Variants in FAT2 observed in about 807,000 individuals in gnomAD.
FAT2 encodes the protein protocadherin Fat 2.
A neutral mutation model predicts 295.3 loss-of-function variants in FAT2; 150 were observed. The ratio of observed to expected loss-of-function variants is 0.51; its 90% CI spans 0.44 to 0.58. The LOEUF is 0.58. Ranked by LOEUF, FAT2 falls within the 20% of genes least tolerant of loss-of-function variation. The pLI is 0.00. For missense variants in FAT2, 4,868 were observed against 5,442.7 expected, an observed-to-expected ratio of 0.89 and a Z score of 3.32; for synonymous variants, 2,026 against 2,150.3, an observed-to-expected ratio of 0.94 and a Z score of 1.60.
chr5:151,548,521 C>A lies in FAT2; in HGVS notation c.4789+774G>T, dbSNP rs561129017. On this transcript the variant is annotated intron_variant, in intron 9 of 23. Coordinates refer to ENST00000261800, the MANE Select transcript of FAT2 (RefSeq NM_001447.3). ...TTTGAGATGGAGTCTTGCTGTGTCG[C>A]CCAGGCTGGAGTGCAATGGTGCAAT... Among the ~76,000 whole-genome samples, 6 of 152,190 alleles carry A rather than the reference C, an allele frequency of 3.9e-5. No homozygotes were observed. The East Asian group carries it at 1.2e-3, about 29-fold the overall frequency.
chr5:151,547,106 A>C (rs1037981421), intron 9 of FAT2, among the ~76,000 whole-genome samples: 1 of 152,224 alleles, frequency 6.6e-6, no homozygotes, highest in Non-Finnish European at 1.5e-5. Flanking sequence ...ATATTTTTAA[A>C]GGTAACATTA....
chr5:151,505,698 C>G lies in FAT2; in HGVS notation c.12917G>C (p.Gly4306Ala), dbSNP rs1432976811. The change falls in exon 24 of 24, where the codon GGG (glycine) becomes GCG (alanine). Residue 4306 changes from glycine to alanine, a missense_variant. Gly to Ala is a moderately conservative substitution (Grantham distance 60). Around this residue, in one of 5 missense-constraint regions of FAT2, gnomAD observed 492 missense variants for 482.6 expected, o/e 1.02. Transcript: ENST00000261800. ...KGVGMRLSRA[G>A]PSYAVCEVEG... ...CACCTCACAGACAGCATAAGAGGGC[C>G]CAGCTCGGCTGAGGCGCATACCCAC... is the stretch of plus-strand genomic sequence containing the variant. 1 of 1,613,950 alleles carries G rather than the reference C, an allele frequency of 6.2e-7. No homozygotes were observed. The highest frequency in any genetic ancestry group is 1.3e-5 in the African/African-American group (1 of 74,924).
rs771070630 is a variant in FAT2 at position 151,549,341 on chromosome 5, A to C, written c.4743T>G (p.Asp1581Glu). Reference protein sequence around the residue: ...GTELLQVRAMDADRGVNAEVH... With the variant: ...GTELLQVRAMEADRGVNAEVH... Reference sequence around the variant, plus strand: ...CCTCAGCATTGACTCCCCGGTCAGCATCCATGGCTCGGACCTGCAGCAGCT... The same window carrying C: ...CCTCAGCATTGACTCCCCGGTCAGCCTCCATGGCTCGGACCTGCAGCAGCT... The change falls in exon 9 of 24, where the codon GAT becomes GAG. Residue 1581 changes from aspartate (D) to glutamate (E), a missense_variant. Coordinates refer to ENST00000261800, the MANE Select transcript of FAT2 (RefSeq NM_001447.3). The C allele has an allele frequency of 6.2e-7, 1 of 1,613,766 alleles. No individual in the cohort carries two copies. The highest frequency in any genetic ancestry group is 1.3e-5 in the African/African-American group (1 of 74,934).
chr5:151,568,713 G>A lies in FAT2; in HGVS notation c.219C>T (p.Ile73=), dbSNP rs1219424693. 2 of 1,614,216 alleles carry A rather than the reference G, an allele frequency of 1.2e-6. No individual in the cohort carries two copies. The highest frequency in any genetic ancestry group is 1.7e-6 in the Non-Finnish European group (2 of 1,180,026). ...AEPQWAVRYR[I]ISGDVANVFK... ...ATACATTGGCCACATCCCCAGAGAT[G>A]ATCCGGTACCTCACTGCCCACTGTG... The change falls in exon 2 of 24, where the codon ATC becomes ATT. Residue 73 remains isoleucine (I), a synonymous_variant. Coordinates refer to ENST00000261800, the MANE Select transcript of FAT2 (RefSeq NM_001447.3).
At position 151,545,636 on chromosome 5, in the gene FAT2, C is replaced by T. The variant is rs2127612729; in HGVS notation, c.5491G>A (p.Glu1831Lys). 2 of 1,614,150 alleles carry T rather than the reference C, an allele frequency of 1.2e-6. No homozygotes were observed. Among genetic ancestry groups the T allele is most frequent in the South Asian group, 1.1e-5 (1 of 91,074 alleles). Residue 1831 changes from glutamate to lysine, a missense_variant, in exon 10 of 24, where the codon GAG becomes AAG. Physicochemically the swap from Glu to Lys is moderately conservative, Grantham distance 56. Transcript: ENST00000261800. ...TLTIVSEMDY[E>K]SMPSFQFCVY... Reference sequence around the variant, plus strand: ...CAGAATTGGAAAGAGGGCATGCTCTCATAATCCATCTCTGATACAATGGTT... The same window carrying T: ...CAGAATTGGAAAGAGGGCATGCTCTTATAATCCATCTCTGATACAATGGTT...
chr5:151,559,356 A>G lies in FAT2; in HGVS notation c.3575-2954T>C, dbSNP rs79464149. Among the ~76,000 whole-genome samples, 239 of 152,258 alleles carry G rather than the reference A, an allele frequency of 1.6e-3. 5 individuals are homozygous for G. The East Asian group carries it at 0.024, about 15-fold the overall frequency. On this transcript the variant is annotated intron_variant, in intron 3 of 23. Transcript: ENST00000261800. The stretch of plus-strand genomic sequence containing the variant: ...AAAGAAGGAGGACAAGTGGAAGGAA[A>G]GACACACTCCTGTAGGACAGGAGGG...
intron 1 of FAT2, among the ~76,000 whole-genome samples, chr5:151,579,995 G>C (rs1758883344): frequency 6.6e-6 from 1 of 152,136 alleles, no homozygotes; most frequent in African/African-American, 2.4e-5. Context: ...GAAATCCCTG[G>C]ACTCCCTAGG....
intron 1 of FAT2, 142 bp from the exon 2 acceptor site, chr5:151,569,093 G>A (rs1440169499): frequency 1.3e-6 from 1 of 745,872 alleles, no homozygotes; most frequent in Non-Finnish European, 2.1e-6. Flanking sequence ...CAGCTTGGGA[G>A]TGGTGGTGCT....
chr5:151,512,193 A>G lies in FAT2; in HGVS notation c.11877T>C (p.Gly3959=), dbSNP rs1189499081. ...CCCCATGGGTCCATGAGCACTTCCC[A>G]CCATTGAGGCATGTGTTCTGGCTGC... ...DYCSQNTCLN[G]GKCSWTHGAG... is the part of the protein sequence containing the mutation. The change falls in exon 21 of 24, where the codon GGT becomes GGC. Residue 3959 remains glycine, a synonymous_variant. Transcript: ENST00000261800. The surrounding 1 kb of genome is among the most constrained non-coding windows in gnomAD (Gnocchi z 4.1). 1 of 1,613,846 alleles carries G rather than the reference A, an allele frequency of 6.2e-7. No individual in the cohort carries two copies. The highest frequency in any genetic ancestry group is 1.3e-5 in the African/African-American group (1 of 74,894).
chr5:151,531,795 C>T lies in FAT2; in HGVS notation c.9603G>A (p.Leu3201=), dbSNP rs1417338530. 5 of 1,612,998 alleles carry T rather than the reference C, an allele frequency of 3.1e-6. No individual in the cohort carries two copies. Among genetic ancestry groups the T allele is most frequent in the Non-Finnish European group, 4.2e-6 (5 of 1,180,010 alleles). ...DLGTPIPLST[L]GTVTVSVVGL... ...CCACCACCGAGACTGTGACGGTGCC[C>T]AGCGTGGACAGCGGTATTGGGGTGC... The change falls in exon 14 of 24, where the codon CTG becomes CTA. Residue 3201 remains leucine (L), a synonymous_variant. Coordinates refer to ENST00000261800, the MANE Select transcript of FAT2 (RefSeq NM_001447.3). The surrounding 1 kb of genome is among the most constrained non-coding windows in gnomAD (Gnocchi z 5.7).
chr5:151,562,144 A>G (rs1401243199), intron 3 of FAT2, among the ~76,000 whole-genome samples: 1 of 152,152 alleles, frequency 6.6e-6, no homozygotes, highest in African/African-American at 2.4e-5. Flanking sequence ...GTTACCAGGC[A>G]AATAGGCACT....
In FAT2 at chr5:151,583,997, CAAAAAAAAAAAAAA is replaced by C. The variant is rs35453556; in HGVS notation, c.-21+7154_-21+7167del. Among the ~76,000 whole-genome samples, 23 of 46,072 alleles carry C rather than the reference CAAAAAAAAAAAAAA, an allele frequency of 5.0e-4. No individual in the cohort carries two copies. In the South Asian group the frequency reaches 0.023, roughly 47 times the overall value. The allele number at this position is 46,072 out of a possible 152,430, so 30.2% of individuals were successfully genotyped here. A position where few individuals can be genotyped will look rare whatever the true frequency, so the allele number is the denominator to read the frequency against. On this transcript the variant is annotated intron_variant, in intron 1 of 23. Transcript: ENST00000261800. ...TGGGTGACGGAGTGAGGCTCTGTCT[CAAAAAAAAAAAAAA>C]AAAAAAAAAAAAGTTTTTTTTAAAC...
intron 1 of FAT2, among the ~76,000 whole-genome samples, chr5:151,586,158 C>G (rs1396428751): frequency 6.6e-6 from 1 of 152,240 alleles, no homozygotes; most frequent in African/African-American, 2.4e-5. Context: ...GGACAGGCAG[C>G]AGCTCTGACA....
At position 151,568,987 on chromosome 5, in the gene FAT2, G is replaced by C. The variant is rs982227368; in HGVS notation, c.-20-36C>G. The C allele has an allele frequency of 2.6e-6, 4 of 1,519,416 alleles. No homozygotes were observed. In the African/African-American group the frequency reaches 4.2e-5, roughly 16 times the overall value. 94.1% of individuals were successfully genotyped at this position (1,519,416 alleles called of 1,614,324 possible). A position where few individuals can be genotyped will look rare whatever the true frequency, so the allele number is the denominator to read the frequency against. Reference sequence around the variant, plus strand: ...AATAAAAGACAGGGTGCAAGTTAGGGGGAAAAAATGGTTTCTACTGCTGTG... The same window carrying C: ...AATAAAAGACAGGGTGCAAGTTAGGCGGAAAAAATGGTTTCTACTGCTGTG... On this transcript the variant is annotated intron_variant, in intron 1 of 23. Coordinates refer to ENST00000261800, the MANE Select transcript of FAT2 (RefSeq NM_001447.3).
At chr5:151,506,129 A>C (rs1760850608) in intron 23 of FAT2, 32 bp from the exon 24 acceptor site, 19 of 1,489,728 alleles carry the variant, frequency 1.3e-5, no homozygotes, top group Non-Finnish European at 1.5e-5. Flanking sequence ...GGGTGAGCTC[A>C]TTTTCTCCCC....
chr5:151,534,446 G>T lies in FAT2; in HGVS notation c.9390C>A (p.Thr3130=), dbSNP rs1755010862. ...VAVFDNTTVK[T]PVAVVFARDP... is the part of the protein sequence containing the mutation. ...CCCGGGCAAATACTACAGCCACAGG[G>T]GTCTTCACTGTGGTGTTGTCGAAGA... Residue 3130 remains threonine (T), a synonymous_variant, in exon 13 of 24, where the codon ACC becomes ACA. Transcript: ENST00000261800. 15 of 1,613,202 alleles carry T rather than the reference G, an allele frequency of 9.3e-6. No homozygotes were observed. The highest frequency in any genetic ancestry group is 2.7e-5 in the African/African-American group (2 of 74,870).
chr5:151,522,242 A>T, intron 18 of FAT2, 156 bp from the exon 19 acceptor site: 1 of 578,548 alleles, frequency 1.7e-6, no homozygotes. Context: ...AAAAAACCTA[A>T]CTCCAAAAGC....
intron 1 of FAT2, among the ~76,000 whole-genome samples, chr5:151,584,907 G>C (rs993089423): frequency 6.6e-6 from 1 of 152,056 alleles, no homozygotes; most frequent in Non-Finnish European, 1.5e-5. Context: ...ATAGATTCCT[G>C]TCCTTCACCC....
In FAT2 at chr5:151,565,805, C is replaced by T. The variant is rs776961547; in HGVS notation, c.3127G>A (p.Glu1043Lys). The change falls in exon 2 of 24, where the codon GAG (glutamate) becomes AAG (lysine). Residue 1043 changes from glutamate (E) to lysine (K), a missense_variant. Glu to Lys is a moderately conservative substitution (Grantham distance 56). This residue lies in a region of FAT2 where 3,297 missense variants were observed against 3,669.4 expected (regional missense o/e 0.90). Transcript: ENST00000261800. ...ACCTGAGTTCCCGAGGGGCTGTTCT[C>T]CTGCACCTGGCCCTGGTGCACGAAG... is the stretch of plus-strand genomic sequence containing the variant. ...ASFVHQGQVQ[E>K]NSPSGTQVIV... is the part of the protein sequence containing the mutation. 1.2e-6 allele frequency: 2 copies of T among 1,614,162 alleles called. No individual in the cohort carries two copies. The highest frequency in any genetic ancestry group is 1.7e-5 in the Admixed American group (1 of 60,022).
Sources: allele counts gnomAD v4.1 joint callset (sites outside exome capture counted in the v4.1 genomes callset), GRCh38; gene constraint gnomAD v4.1.1; regional missense constraint gnomAD v4.1.1; non-coding constraint Gnocchi (gnomAD v3.1); transcripts MANE v1.5; gene names NCBI Gene and HGNC (gene_info 2026-07-23, HGNC 2026-07-21).